The following RARB variants were observed in gnomAD, a reference collection of about 807,000 sequenced individuals.
RARB encodes the protein retinoic acid receptor beta.
A neutral mutation model predicts 51.9 loss-of-function variants in RARB; 17 were observed. The observed-to-expected ratio is 0.33, with a 90% CI of 0.22 to 0.49. The LOEUF is 0.49. RARB is among the 20% of genes least tolerant of loss of function. The pLI, the probability that RARB is intolerant of heterozygous loss-of-function variation, is 0.99. For missense variants in RARB, 369 were observed against 550.8 expected (o/e 0.67, Z 3.30); for synonymous variants, 215 against 195.4 (o/e 1.10, Z -0.84).
chr3:25,309,043 C>T (rs1265781346), intron 5 of RARB, among the ~76,000 whole-genome samples: 1 of 151,850 alleles, frequency 6.6e-6, no homozygotes, highest in African/African-American at 2.4e-5. Flanking sequence ...ACCAAAACCA[C>T]TTTGTTGATC....
At chr3:25,403,282 T>G (rs1707315302) in intron 5 of RARB, among the ~76,000 whole-genome samples, 1 of 152,190 alleles carries the variant, frequency 6.6e-6, no homozygotes, top group Non-Finnish European at 1.5e-5. Flanking sequence ...TTTGTAACAC[T>G]AATGATAAAT....
chr3:25,137,003 T>A (rs1489542369), intron 4 of RARB, among the ~76,000 whole-genome samples: 2 of 151,974 alleles, frequency 1.3e-5, no homozygotes, highest in African/African-American at 4.8e-5. Context: ...GAAAAAAATA[T>A]TAAGCAAGGA....
rs1701990620 is a variant in RARB at position 25,223,444 on chromosome 3, G to T, written c.178+48869G>T. The stretch of plus-strand genomic sequence containing the variant: ...ATAACAAGCATAAAGGTGGCAATTT[G>T]TATTCTTGCTTGAATAGAGAACAAA... On this transcript the variant is annotated intron_variant, in intron 5 of 11. Coordinates refer to the RARB transcript ENST00000383772. Among the ~76,000 whole-genome samples the T allele has an allele frequency of 2.0e-5, 3 of 152,170 alleles. No homozygotes were observed. In the South Asian group the frequency reaches 6.2e-4, roughly 31 times the overall value.
At chr3:25,058,922 A>T in intron 2 of RARB, among the ~76,000 whole-genome samples, 2 of 151,822 alleles carry the variant, frequency 1.3e-5, no homozygotes, top group South Asian at 4.2e-4. Context: ...TATGCAATCA[A>T]TGTAGAAAAC....
At chr3:25,548,284 T>G (rs1276768658) in intron 3 of RARB, among the ~76,000 whole-genome samples, 2 of 152,158 alleles carry the variant, frequency 1.3e-5, no homozygotes, top group African/African-American at 2.4e-5. Context: ...GGCTCCAGAT[T>G]GATTTTTATT....
chr3:25,138,335 GT>G (rs79013652), intron 4 of RARB, among the ~76,000 whole-genome samples: 143 of 140,642 alleles, frequency 1.0e-3, no homozygotes, highest in Middle Eastern at 3.8e-3. Context: ...CTATAATTGA[GT>G]TTTTTTTTTT....
rs1707838578 is a variant in RARB at position 25,420,895 on chromosome 3, G to C, written c.179-40298G>C. 2.7e-5 allele frequency among the ~76,000 whole-genome samples: 4 copies of C among 147,744 alleles called. No individual in the cohort carries two copies. The South Asian group carries it at 8.6e-4, about 32-fold the overall frequency. The stretch of plus-strand genomic sequence containing the variant: ...AGATAACAGATGATAACACAAGATA[G>C]ATTAATAATGCAAGTCTTCCATCTT... On this transcript the variant is annotated intron_variant, in intron 5 of 11. Transcript: ENST00000383772.
At chr3:25,277,279 C>T (rs1703418905) in intron 5 of RARB, among the ~76,000 whole-genome samples, 1 of 152,108 alleles carries the variant, frequency 6.6e-6, no homozygotes, top group African/African-American at 2.4e-5. Context: ...AATGAAGCCA[C>T]CTAGCAGCGT....
chr3:25,304,384 T>G (rs897235419), intron 5 of RARB, among the ~76,000 whole-genome samples: 5 of 152,254 alleles, frequency 3.3e-5, no homozygotes, highest in Admixed American at 6.5e-5. Context: ...TGATCCCAAA[T>G]CTTCCCACCT....
At chr3:25,088,000 T>A (rs958583378) in intron 3 of RARB, among the ~76,000 whole-genome samples, 1 of 151,966 alleles carries the variant, frequency 6.6e-6, no homozygotes, top group South Asian at 2.1e-4. Flanking sequence ...AAGAAAGCTA[T>A]GAGCCTGAAA....
intron 5 of RARB, among the ~76,000 whole-genome samples, chr3:25,192,361 G>T (rs761735319): frequency 1.3e-5 from 2 of 152,050 alleles, no homozygotes; most frequent in Non-Finnish European, 2.9e-5. Flanking sequence ...CAATTTTGTG[G>T]TACTAGCTAT....
At chr3:25,320,444 C>G (rs1262408694) in intron 5 of RARB, among the ~76,000 whole-genome samples, 1 of 152,126 alleles carries the variant, frequency 6.6e-6, no homozygotes, top group Non-Finnish European at 1.5e-5. Flanking sequence ...AAGGAGCTTT[C>G]CAGGGCCAGG....
intron 3 of RARB, among the ~76,000 whole-genome samples, chr3:25,530,126 G>T (rs1220575840): frequency 2.0e-5 from 3 of 152,188 alleles, no homozygotes; most frequent in Admixed American, 6.5e-5. Flanking sequence ...TAGACTGAAG[G>T]CTGCCTGAGT....
At chr3:25,118,920 T>C (rs1374065373) in intron 3 of RARB, among the ~76,000 whole-genome samples, 2 of 152,144 alleles carry the variant, frequency 1.3e-5, no homozygotes, top group Non-Finnish European at 2.9e-5. Context: ...AAATGCCCAC[T>C]TTGATCATAA....
At chr3:24,937,166 C>A (rs968306204) in intron 2 of RARB, among the ~76,000 whole-genome samples, 7 of 152,186 alleles carry the variant, frequency 4.6e-5, no homozygotes, top group Non-Finnish European at 1.0e-4. Flanking sequence ...AGAGTTATTA[C>A]ATGGAAACAA....
intron 3 of RARB, among the ~76,000 whole-genome samples, chr3:25,111,903 C>T (rs566364681): frequency 2.0e-5 from 3 of 152,084 alleles, no homozygotes; most frequent in East Asian, 1.9e-4. Flanking sequence ...CATTTCCCCC[C>T]TTTTACTCTT....
intron 4 of RARB, among the ~76,000 whole-genome samples, chr3:25,145,590 G>A (rs1700175364): frequency 6.6e-6 from 1 of 152,130 alleles, no homozygotes; most frequent in African/African-American, 2.4e-5. Context: ...GATTGTTCCA[G>A]TGGACATTAG....
Position 25,512,567 on chromosome 3 carries a change from G to A in RARB, c.448+11244G>A, listed in dbSNP as rs76343051. On this transcript the variant is annotated intron_variant, in intron 3 of 7. Transcript: ENST00000330688. ...ACACACTAGCCATCACTGACCACTCGGTGTCCTCTCATGTGACACAGCATC... is the reference window on the plus strand; with the variant it reads ...ACACACTAGCCATCACTGACCACTCAGTGTCCTCTCATGTGACACAGCATC... Among the ~76,000 whole-genome samples, 68 of 152,288 alleles carry A rather than the reference G, an allele frequency of 4.5e-4. No homozygotes were observed. In the East Asian group the frequency reaches 0.01, roughly 22 times the overall value.
rs141316159 is a variant in RARB, at chr3:25,385,307, A to G, written c.179-75886A>G. On this transcript the variant is annotated intron_variant, in intron 5 of 11. Coordinates refer to the RARB transcript ENST00000383772. ...GTCCCTGGTATGTCTTTATCAGACT[A>G]TATTGCCTGTTCGTGTTTGGTCTCT... Among the ~76,000 whole-genome samples, 54 of 152,296 alleles carry G rather than the reference A, an allele frequency of 3.5e-4. 1 individual carries two copies. In the East Asian group the frequency reaches 0.01, roughly 28 times the overall value.
Sources: gnomAD v4.1 joint callset for allele counts (sites outside exome capture counted in the v4.1 genomes callset) on GRCh38, gnomAD v4.1.1 for gene constraint, MANE v1.5 for transcripts, NCBI Gene and HGNC (gene_info 2026-07-23, HGNC 2026-07-21) for gene names.